ARID3B: variants seen among roughly 807,000 people sequenced by gnomAD.
ARID3B encodes the protein AT-rich interactive domain-containing protein 3B.
In ARID3B, 10 loss-of-function variants were observed where a neutral mutation model predicts 51.9. The ratio of observed to expected loss-of-function variants is 0.19; its 90% CI spans 0.12 to 0.33. The LOEUF is 0.33. Ranked by LOEUF, ARID3B falls within the 10% of genes least tolerant of loss-of-function variation. The pLI is 1.00. For missense variants in ARID3B, 483 were observed against 716.3 expected (o/e 0.67, Z 3.72); for synonymous variants, 205 against 279.5 (o/e 0.73, Z 2.66).
In ARID3B at chr15:74,591,135, G is replaced by C. The variant is rs1376921717; in HGVS notation, c.882-16G>C. On this transcript the variant is annotated splice_polypyrimidine_tract_variant and intron_variant, in intron 5 of 8. Transcript: ENST00000346246. The surrounding 1 kb of genome is among the most constrained non-coding windows in gnomAD (Gnocchi z 5.8). ...CTGTTTTGGATTATTCTCCCTGCTT[G>C]CTTCCTTTCCTCCAGGTACATGAAG... 6.3e-7 allele frequency: 1 copy of C among 1,577,740 alleles called. No individual in the cohort carries two copies.
At chr15:74,544,605 A>G in intron 2 of ARID3B, 117 bp downstream of exon 2, 1 of 985,682 alleles carries the variant, frequency 1.0e-6, no homozygotes. Context: ...TTCGGTGACC[A>G]ACAGCCTAGA....
chr15:74,564,717 C>G (rs1046959280), intron 2 of ARID3B, among the ~76,000 whole-genome samples: 5 of 152,176 alleles, frequency 3.3e-5, no homozygotes, highest in African/African-American at 1.2e-4. Context: ...CCTCCTATCT[C>G]AGCCTCCCAA....
At chr15:74,543,724 A>G in intron 1 of ARID3B, 136 bp from the exon 2 acceptor site, 1 of 544,814 alleles carries the variant, frequency 1.8e-6, no homozygotes, top group South Asian at 3.2e-5. Flanking sequence ...CACTCATCTT[A>G]AAACTCAGGT....
chr15:74,566,847 G>A (rs1267514488), intron 2 of ARID3B, among the ~76,000 whole-genome samples: 1 of 152,116 alleles, frequency 6.6e-6, no homozygotes. Flanking sequence ...GCTCCATGAG[G>A]TGATCATCTG....
intron 8 of ARID3B, among the ~76,000 whole-genome samples, chr15:74,594,292 C>CA (rs1239030252): frequency 1.3e-5 from 2 of 151,772 alleles, no homozygotes; most frequent in African/African-American, 2.4e-5. Flanking sequence ...ACTAAAAATA[C>CA]AAAAAGTTAG....
intron 7 of ARID3B, among the ~76,000 whole-genome samples, chr15:74,592,381 C>T (rs762502409): frequency 5.3e-5 from 8 of 152,228 alleles, no homozygotes; most frequent in Admixed American, 1.3e-4. Flanking sequence ...CACACACATT[C>T]TTTCCCATTC....
intron 2 of ARID3B, among the ~76,000 whole-genome samples, chr15:74,559,108 A>G (rs1211675708): frequency 6.6e-6 from 1 of 152,132 alleles, no homozygotes; most frequent in Non-Finnish European, 1.5e-5. Flanking sequence ...GCAGGGGCCT[A>G]CAGCCTGGAC....
intron 8 of ARID3B, among the ~76,000 whole-genome samples, chr15:74,594,714 C>T (rs1183400542): frequency 6.6e-6 from 1 of 152,256 alleles, no homozygotes; most frequent in Non-Finnish European, 1.5e-5. Flanking sequence ...TCTGCTGGGC[C>T]ACTCACTTCA....
In ARID3B at chr15:74,594,177, G is replaced by A. The variant is rs539298480; in HGVS notation, c.1519+941G>A. Among the ~76,000 whole-genome samples the A allele has an allele frequency of 1.5e-4, 23 of 152,304 alleles. No individual in the cohort carries two copies. In the South Asian group the frequency reaches 2.7e-3, roughly 18 times the overall value. ...TGTTAAGCACAGCATTGCTGGGCGC[G>A]GTGGCTCACGCCTGTAATCCCAGCA... On this transcript the variant is annotated intron_variant, in intron 8 of 8. Transcript: ENST00000346246.
At chr15:74,593,311 C>G in intron 8 of ARID3B, 75 bp downstream of exon 8, 6 of 1,361,892 alleles carry the variant, frequency 4.4e-6, no homozygotes, top group Non-Finnish European at 6.1e-6. Context: ...CTGGCCCTGC[C>G]TCTTACCCTC....
At chr15:74,553,046 C>T (rs550165753) in intron 2 of ARID3B, among the ~76,000 whole-genome samples, 45 of 152,248 alleles carry the variant, frequency 3.0e-4, no homozygotes, top group African/African-American at 1.1e-3. Flanking sequence ...TTTGCATTCC[C>T]GTCAGCAGTG....
At chr15:74,548,158 G>A (rs548874542) in intron 2 of ARID3B, among the ~76,000 whole-genome samples, 1 of 152,124 alleles carries the variant, frequency 6.6e-6, no homozygotes, top group Non-Finnish European at 1.5e-5. Flanking sequence ...AACAGACAAA[G>A]AACTGAGTGT....
chr15:74,588,527 G>C (rs2061790044), intron 4 of ARID3B, among the ~76,000 whole-genome samples: 1 of 152,190 alleles, frequency 6.6e-6, no homozygotes, highest in African/African-American at 2.4e-5. Flanking sequence ...GCAGTAGTCT[G>C]TGTACAGTAA....
chr15:74,585,680 G>A (rs1009688448), intron 4 of ARID3B, among the ~76,000 whole-genome samples: 1 of 152,222 alleles, frequency 6.6e-6, no homozygotes, highest in African/African-American at 2.4e-5. Flanking sequence ...TGCGGAAACT[G>A]AGGCCTGAGT....
intron 2 of ARID3B, among the ~76,000 whole-genome samples, chr15:74,565,821 T>C (rs1214358841): frequency 6.6e-6 from 1 of 152,072 alleles, no homozygotes; most frequent in African/African-American, 2.4e-5. Flanking sequence ...TACCTCTTTC[T>C]TCTCATTGGA....
chr15:74,553,410 A>G (rs556826375), intron 2 of ARID3B, among the ~76,000 whole-genome samples: 98 of 152,248 alleles, frequency 6.4e-4, no homozygotes, highest in Non-Finnish European at 9.1e-4. Flanking sequence ...ATTCAAGGCT[A>G]TAGAGTTTTC....
Position 74,593,147 on chromosome 15 carries a change from C to G in ARID3B, c.1430C>G (p.Ala477Gly). 6.2e-7 allele frequency: 1 copy of G among 1,612,980 alleles called. No individual in the cohort carries two copies. The highest frequency in any genetic ancestry group is 1.1e-5 in the South Asian group (1 of 91,030). The part of the protein sequence containing the change: ...KIRINGREDR[A>G]EASAAALNLT... Reference sequence around the variant, plus strand: ...TCCCTGTCCCCAGCAGAAGACAGAGCAGAGGCCTCGGCTGCAGCACTGAAC... The same window carrying G: ...TCCCTGTCCCCAGCAGAAGACAGAGGAGAGGCCTCGGCTGCAGCACTGAAC... The change falls in exon 8 of 9, where the codon GCA becomes GGA. Residue 477 changes from alanine to glycine, a missense_variant. Around this residue, in one of 3 missense-constraint regions of ARID3B, gnomAD observed 265 missense variants for 354.4 expected, o/e 0.75. Transcript: ENST00000346246.
chr15:74,553,095 G>GT (rs1287063904), intron 2 of ARID3B, among the ~76,000 whole-genome samples: 2 of 152,162 alleles, frequency 1.3e-5, no homozygotes, highest in Admixed American at 6.5e-5. Context: ...CCAGCATTTG[G>GT]TATCGTTAGT....
At chr15:74,561,396 C>T (rs1258294899) in intron 2 of ARID3B, among the ~76,000 whole-genome samples, 1 of 152,054 alleles carries the variant, frequency 6.6e-6, no homozygotes, top group Admixed American at 6.6e-5. Context: ...TCATGTGTTG[C>T]CCATTCCCTT....
Sources: gnomAD v4.1 joint callset for allele counts (sites outside exome capture counted in the v4.1 genomes callset) on GRCh38, gnomAD v4.1.1 for gene constraint, gnomAD v4.1.1 regional missense constraint, Gnocchi (gnomAD v3.1) non-coding constraint, MANE v1.5 for transcripts, NCBI Gene and HGNC (gene_info 2026-07-23, HGNC 2026-07-21) for gene names.